The following MIA2 variants were observed in gnomAD, a reference collection of about 807,000 sequenced individuals.
MIA2 encodes the protein melanoma inhibitory activity protein 2.
Under a neutral mutation model 167.8 loss-of-function variants are expected in MIA2, and 127 were observed. That is an observed-to-expected ratio of 0.76 (90% confidence interval 0.66 to 0.88). The LOEUF (loss-of-function observed/expected upper bound fraction) is 0.88, where lower values mean the gene tolerates loss of function less well. Among genes scored for constraint, MIA2 ranks in the 40% least tolerant of loss-of-function variants. The probability of loss-of-function intolerance (pLI) is 0.00; values close to 1 mark genes in which losing one functional copy is unlikely to be tolerated. For missense variants in MIA2, 1,690 were observed against 1,624.7 expected, an observed-to-expected ratio of 1.04 and a Z score of -0.69; for synonymous variants, 552 against 541.9, an observed-to-expected ratio of 1.02 and a Z score of -0.26.
Position 39,247,969 on chromosome 14 carries a change from C to A in MIA2, c.1395C>A (p.Asp465Glu). The change falls in exon 4 of 29, where the codon GAC (aspartate) becomes GAA (glutamate). Residue 465 changes from aspartate to glutamate, a missense_variant. Physicochemically the swap from Asp to Glu is conservative, Grantham distance 45. Transcript: ENST00000640607. ...TGAAAAAGTTCTTGTATAATTTTGA[C>A]AACCCTTGGAACTTCCAGAACATTC... Reference protein sequence around the residue: ...PYLKKFLYNFDNPWNFQNIPK... With the variant: ...PYLKKFLYNFENPWNFQNIPK... The A allele has an allele frequency of 1.3e-6, 2 of 1,596,846 alleles. No individual in the cohort carries two copies. Among genetic ancestry groups the A allele is most frequent in the Non-Finnish European group, 1.7e-6 (2 of 1,176,080 alleles).
intron 13 of MIA2, among the ~76,000 whole-genome samples, chr14:39,297,731 G>C (rs1261160229): frequency 1.3e-5 from 2 of 151,166 alleles, no homozygotes; most frequent in African/African-American, 4.9e-5. Flanking sequence ...GATAGAGAAT[G>C]AATGAGAGAG....
intron 25 of MIA2, among the ~76,000 whole-genome samples, chr14:39,333,920 T>C (rs1566962837): frequency 1.3e-5 from 2 of 152,164 alleles, no homozygotes; most frequent in South Asian, 2.1e-4. Context: ...ATGAACCTGA[T>C]CCCTGTGGTT....
intron 6 of MIA2, chr14:39,267,422 G>C (rs1355199902): frequency 1.2e-6 from 2 of 1,609,758 alleles, no homozygotes; most frequent in African/African-American, 1.3e-5. Flanking sequence ...CCGACAGGCC[G>C]GGGTTACTGT....
chr14:39,323,602 T>A (rs550567725), intron 24 of MIA2, among the ~76,000 whole-genome samples: 1 of 152,200 alleles, frequency 6.6e-6, no homozygotes, highest in Admixed American at 6.5e-5. Flanking sequence ...TCTATTCAAT[T>A]TTATCCCGTT....
At chr14:39,314,549 T>C (rs773120888) in intron 19 of MIA2, among the ~76,000 whole-genome samples, 190 bp from the exon 20 acceptor site, 6 of 150,754 alleles carry the variant, frequency 4.0e-5, no homozygotes, top group Non-Finnish European at 7.4e-5. Flanking sequence ...AAAATTAGTT[T>C]AGGAAAAAAT....
At position 39,234,096 on chromosome 14, in the gene MIA2, C is replaced by G. The variant is rs769935836; in HGVS notation, c.-19C>G. ...ATTGGCTTAAACTTCACTTGGGATT[C>G]CCGGTTGCTTGTTTTAGCATGGCAA... On this transcript the variant is annotated 5_prime_UTR_variant, in exon 1 of 29. Coordinates refer to ENST00000640607, the MANE Select transcript of MIA2 (RefSeq NM_001329214.4). 30 of 1,520,736 alleles carry G rather than the reference C, an allele frequency of 2.0e-5. No individual in the cohort carries two copies. Among genetic ancestry groups the G allele is most frequent in the Non-Finnish European group, 2.7e-5 (30 of 1,105,656 alleles). 94.2% of individuals were successfully genotyped at this position (1,520,736 alleles called of 1,614,324 possible).
At chr14:39,367,737 C>T (rs1169547954) in intron 23 of MIA2, among the ~76,000 whole-genome samples, 2 of 152,134 alleles carry the variant, frequency 1.3e-5, no homozygotes, top group African/African-American at 2.4e-5. Context: ...TATTTTGGTT[C>T]TTTGTGGAGG....
intron 4 of MIA2, among the ~76,000 whole-genome samples, chr14:39,252,231 C>T (rs2054613675): frequency 6.6e-6 from 1 of 152,050 alleles, no homozygotes. Flanking sequence ...TGGAAAGGAC[C>T]TTGCAGATGT....
At chr14:39,330,016 G>A (rs1002606801) in intron 25 of MIA2, among the ~76,000 whole-genome samples, 15 of 151,958 alleles carry the variant, frequency 9.9e-5, no homozygotes, top group African/African-American at 1.9e-4. Context: ...CTCTTTTTCT[G>A]TTGATTGGAA....
At chr14:39,241,631 A>G (rs2054043553) in intron 3 of MIA2, among the ~76,000 whole-genome samples, 1 of 152,212 alleles carries the variant, frequency 6.6e-6, no homozygotes, top group South Asian at 2.1e-4. Context: ...TCTATTGATT[A>G]GAATACTAAG....
intron 25 of MIA2, among the ~76,000 whole-genome samples, chr14:39,333,944 A>G (rs187422009): frequency 6.6e-6 from 1 of 152,216 alleles, no homozygotes; most frequent in Non-Finnish European, 1.5e-5. Context: ...CAGAGGGCCA[A>G]CCTGTGTCAA....
At chr14:39,300,243 A>G (rs2062171640) in intron 14 of MIA2, among the ~76,000 whole-genome samples, 1 of 152,206 alleles carries the variant, frequency 6.6e-6, no homozygotes, top group South Asian at 2.1e-4. Flanking sequence ...ATAAAGAAAT[A>G]AAAATAATGG....
chr14:39,267,383 C>T, intron 6 of MIA2: 1 of 1,603,232 alleles, frequency 6.2e-7, no homozygotes, highest in East Asian at 2.2e-5. Flanking sequence ...GGACCGAAGG[C>T]TGTGTGTTCT....
chr14:39,314,613 T>TTG, intron 19 of MIA2, 126 bp from the exon 20 acceptor site: 1 of 376,040 alleles, frequency 2.7e-6, no homozygotes, highest in Non-Finnish European at 4.5e-6. Context: ...TTCTGGAGTT[T>TTG]TTTTTTTTTT....
At chr14:39,297,666 CGTGTGT>C (rs71435638) in intron 13 of MIA2, among the ~76,000 whole-genome samples, 103 of 140,172 alleles carry the variant, frequency 7.3e-4, no homozygotes, top group East Asian at 4.9e-3. Flanking sequence ...TAGGGTTTTG[CGTGTGT>C]GTGTGTGTGT....
chr14:39,383,374 C>T (rs909528954), intron 23 of MIA2, among the ~76,000 whole-genome samples: 2 of 152,080 alleles, frequency 1.3e-5, no homozygotes, highest in African/African-American at 4.8e-5. Flanking sequence ...TTTTGGTGTA[C>T]CACAAACCAC....
intron 6 of MIA2, chr14:39,269,074 GTTTTTTTTTTTTTT>G (rs3065036): frequency 8.6e-6 from 5 of 583,224 alleles, no homozygotes; most frequent in Non-Finnish European, 8.0e-6. Flanking sequence ...CACCTGCACA[GTTTTTTTTTTTTTT>G]TTTTTTTTTT....
chr14:39,243,165 C>T (rs2054133122), intron 3 of MIA2, among the ~76,000 whole-genome samples: 1 of 151,522 alleles, frequency 6.6e-6, no homozygotes, highest in Non-Finnish European at 1.5e-5. Flanking sequence ...GAAGCATGAC[C>T]AGGCAGACAG....
In MIA2 at chr14:39,349,062, A is replaced by G. The variant is rs1390627872; in HGVS notation, c.4072+85A>G. ...AATTTTACTATCTGTTAATGTAGTA[A>G]CACAGTGGAGGAAAGTTTTTTCTAG... On this transcript the variant is annotated intron_variant, in intron 28 of 28. Transcript: ENST00000640607. The G allele has an allele frequency of 6.1e-6, 9 of 1,473,244 alleles. No individual in the cohort carries two copies. In the Admixed American group the frequency reaches 1.0e-4, roughly 17 times the overall value. 91.3% of individuals were successfully genotyped at this position (1,473,244 alleles called of 1,614,324 possible).
Sources: gnomAD v4.1 joint callset for allele counts (sites outside exome capture counted in the v4.1 genomes callset) on GRCh38, gnomAD v4.1.1 for gene constraint, MANE v1.5 for transcripts, NCBI Gene and HGNC (gene_info 2026-07-23, HGNC 2026-07-21) for gene names.